Variants in CEP85 observed in about 807,000 individuals in gnomAD.
CEP85 encodes the protein centrosomal protein 85, also known as centrosomal protein of 85 kDa.
CEP85 carries 58 observed loss-of-function variants against 93.7 expected under a neutral mutation model. The observed-to-expected ratio is 0.62, with a 90% CI of 0.50 to 0.77. The LOEUF is 0.77. CEP85 is among the 30% of genes least tolerant of loss of function. CEP85 has a pLI of 0.00. For synonymous variants in CEP85, 314 were observed against 338.6 expected (o/e 0.93, Z 0.80); for missense variants, 868 against 922.0 (o/e 0.94, Z 0.76).
intron 3 of CEP85, among the ~76,000 whole-genome samples, chr1:26,245,320 A>G (rs4274051): frequency 0.88 from 133,104 of 152,078 alleles, 59,209 homozygotes; most frequent in Non-Finnish European, 0.93. Context: ...ACAGGCTGGA[A>G]CCACCATACC....
chr1:26,244,442 C>A, intron 3 of CEP85, 124 bp downstream of exon 3: 1 of 828,724 alleles, frequency 1.2e-6, no homozygotes, highest in East Asian at 2.7e-5. Context: ...CCATTTCATT[C>A]AAGGAGTCTC....
intron 1 of CEP85, among the ~76,000 whole-genome samples, chr1:26,238,618 C>T (rs576163494): frequency 6.6e-6 from 1 of 152,226 alleles, no homozygotes; most frequent in Non-Finnish European, 1.5e-5. Flanking sequence ...AATAACAGCA[C>T]TTAGTATGTG....
chr1:26,256,591 T>C (rs1209685802), intron 4 of CEP85, among the ~76,000 whole-genome samples: 1 of 140,464 alleles, frequency 7.1e-6, no homozygotes, highest in Non-Finnish European at 1.5e-5. Context: ...TCTACCACTT[T>C]TGTATTTTCT....
rs1273180124 is a variant in CEP85 at position 26,246,728 on chromosome 1, T to TA, written c.208+2410_208+2411insA. On this transcript the variant is annotated intron_variant, in intron 3 of 13. Transcript: ENST00000451429. ...TGGGCAACAGAGTGAGACTCCGTCT[T>TA]TAAAAAAAAAAAAAAATTATATACT... Among the ~76,000 whole-genome samples, 189 of 49,256 alleles carry TA rather than the reference T, an allele frequency of 3.8e-3. 2 individuals are homozygous for TA. Among genetic ancestry groups the TA allele is most frequent in the Middle Eastern group, 0.015 (1 of 68 alleles). The allele number at this position is 49,256 out of a possible 152,430, so 32.3% of individuals were successfully genotyped here.
At chr1:26,275,912 T>G (rs1465624089) in intron 12 of CEP85, among the ~76,000 whole-genome samples, 2 of 152,160 alleles carry the variant, frequency 1.3e-5, no homozygotes, top group Admixed American at 6.5e-5. Flanking sequence ...CAGACAGACA[T>G]ACATGAATAG....
chr1:26,270,466 C>G (rs1169084883), intron 9 of CEP85, among the ~76,000 whole-genome samples: 1 of 152,200 alleles, frequency 6.6e-6, no homozygotes, highest in Admixed American at 6.5e-5. Context: ...TCAACAGCCT[C>G]TTGGACCAAA....
intron 7 of CEP85, among the ~76,000 whole-genome samples, chr1:26,264,796 G>T (rs1049587514): frequency 4.6e-5 from 7 of 152,008 alleles, no homozygotes; most frequent in African/African-American, 1.7e-4. Context: ...AGTCCCCACA[G>T]TTCTATACAT....
chr1:26,253,644 C>T (rs558098175), intron 3 of CEP85, among the ~76,000 whole-genome samples: 21 of 151,994 alleles, frequency 1.4e-4, no homozygotes, highest in African/African-American at 4.6e-4. Flanking sequence ...CCTCCTCAGC[C>T]TCCCAAAGTG....
At chr1:26,268,438 T>TG in intron 7 of CEP85, 45 bp from the exon 8 acceptor site, 1 of 1,610,412 alleles carries the variant, frequency 6.2e-7, no homozygotes, top group Non-Finnish European at 8.5e-7. Flanking sequence ...AGCAGGGTCA[T>TG]AGTGGAGTGA....
chr1:26,269,398 C>G lies in CEP85; in HGVS notation c.1495-62C>G, dbSNP rs142547098. Reference sequence around the variant, plus strand: ...GCTATTTCTTTGTGACACCGAGGAACAAGCATTTTGCATTTATAACACTTG... The same window carrying G: ...GCTATTTCTTTGTGACACCGAGGAAGAAGCATTTTGCATTTATAACACTTG... On this transcript the variant is annotated intron_variant, in intron 8 of 13. Transcript: ENST00000451429. 338 of 1,520,982 alleles carry G rather than the reference C, an allele frequency of 2.2e-4. 1 individual carries two copies. The African/African-American group carries it at 3.5e-3, about 16-fold the overall frequency. 94.2% of individuals were successfully genotyped at this position (1,520,982 alleles called of 1,614,324 possible).
At chr1:26,270,084 G>A (rs1160467148) in intron 9 of CEP85, among the ~76,000 whole-genome samples, 1 of 152,136 alleles carries the variant, frequency 6.6e-6, no homozygotes, top group Non-Finnish European at 1.5e-5. Flanking sequence ...CCAGGAAGCG[G>A]CTTTTATATC....
rs895701659 is a variant in CEP85 at position 26,255,536 on chromosome 1, G to C, written c.574G>C (p.Ala192Pro). Residue 192 changes from alanine to proline, a missense_variant, in exon 4 of 14, where the codon GCA becomes CCA. Physicochemically the swap from Ala to Pro is conservative, Grantham distance 27 (BLOSUM62 -1). Transcript: ENST00000451429. ...PSMESTLNQS[A>P]MMETLYSDPH... Reference sequence around the variant, plus strand: ...CATGGAATCTACCCTCAATCAGTCGGCAATGATGGAGACACTTTATTCAGA... The same window carrying C: ...CATGGAATCTACCCTCAATCAGTCGCCAATGATGGAGACACTTTATTCAGA... The C allele has an allele frequency of 6.2e-6, 10 of 1,613,990 alleles. No individual in the cohort carries two copies. Among genetic ancestry groups the C allele is most frequent in the Non-Finnish European group, 8.5e-6 (10 of 1,180,026 alleles).
intron 12 of CEP85, among the ~76,000 whole-genome samples, chr1:26,276,079 C>A (rs2090049211): frequency 9.4e-6 from 1 of 106,782 alleles, no homozygotes; most frequent in South Asian, 2.6e-4. Flanking sequence ...ATTCCTCTGA[C>A]ACACTGTGAT....
intron 7 of CEP85, chr1:26,262,919 T>A (rs1182925892): frequency 6.6e-6 from 1 of 152,318 alleles, no homozygotes; most frequent in Non-Finnish European, 1.5e-5. Context: ...GTACTTTTAT[T>A]AGAGATGGGG....
chr1:26,234,707 A>G (rs2089297566), intron 1 of CEP85, among the ~76,000 whole-genome samples: 1 of 152,234 alleles, frequency 6.6e-6, no homozygotes, highest in African/African-American at 2.4e-5. Context: ...AGCGCAAAAC[A>G]GAAGGCGCGG....
At chr1:26,252,528 G>A (rs977082435) in intron 3 of CEP85, among the ~76,000 whole-genome samples, 2 of 152,096 alleles carry the variant, frequency 1.3e-5, no homozygotes, top group African/African-American at 2.4e-5. Flanking sequence ...GTGAAATTCC[G>A]GCTCCAAAAA....
intron 11 of CEP85, chr1:26,272,272 G>T (rs1192816047): frequency 5.1e-6 from 3 of 591,532 alleles, no homozygotes; most frequent in Non-Finnish European, 9.1e-6. Context: ...TGTGAGAGCA[G>T]TCCCCACAGT....
At position 26,275,022 on chromosome 1, in the gene CEP85, C is replaced by A; in HGVS notation, c.1853C>A (p.Ala618Asp). ...EGTSQALREE[A>D]QRRDSALQQL... Reference sequence around the variant, plus strand: ...ACAAGCCAGGCCCTGAGAGAGGAGGCCCAGCGAAGGGATTCAGCCCTGCAG... The same window carrying A: ...ACAAGCCAGGCCCTGAGAGAGGAGGACCAGCGAAGGGATTCAGCCCTGCAG... The change falls in exon 12 of 14, where the codon GCC becomes GAC. Residue 618 changes from alanine (A) to aspartate (D), a missense_variant. Transcript: ENST00000451429. 1 of 1,587,342 alleles carries A rather than the reference C, an allele frequency of 6.3e-7. No homozygotes were observed. The highest frequency in any genetic ancestry group is 8.6e-7 in the Non-Finnish European group (1 of 1,166,798).
chr1:26,267,673 T>C (rs2089912700), intron 7 of CEP85, among the ~76,000 whole-genome samples: 1 of 152,210 alleles, frequency 6.6e-6, no homozygotes, highest in Non-Finnish European at 1.5e-5. Flanking sequence ...AATAAGAGCA[T>C]GTAAACACAG....
Sources: gnomAD v4.1 joint callset for allele counts (sites outside exome capture counted in the v4.1 genomes callset) on GRCh38, gnomAD v4.1.1 for gene constraint, MANE v1.5 for transcripts, NCBI Gene and HGNC (gene_info 2026-07-23, HGNC 2026-07-21) for gene names.